The following ELF5 variants were observed in gnomAD, a reference collection of about 807,000 sequenced individuals.
ELF5 encodes the protein E74 like ETS transcription factor 5, also known as ETS-related transcription factor Elf-5.
Under a neutral mutation model 38.2 loss-of-function variants are expected in ELF5, and 31 were observed. The ratio of observed to expected loss-of-function variants is 0.81; its 90% confidence interval spans 0.61 to 1.10. The LOEUF is 1.10. Among genes scored for constraint, ELF5 ranks in the 50% least tolerant of loss-of-function variants. ELF5 has a pLI of 0.00. For missense variants in ELF5, 300 were observed against 306.6 expected (o/e 0.98, Z 0.16); for synonymous variants, 121 against 112.5 (o/e 1.08, Z -0.48).
intron 6 of ELF5, 83 bp downstream of exon 6, chr11:34,480,689 G>A (rs559820644): frequency 2.0e-6 from 3 of 1,476,444 alleles, no homozygotes; most frequent in East Asian, 2.3e-5. Context: ...TAAAAAACCT[G>A]CAAAAACAGT....
At chr11:34,495,460 C>T (rs1850293761) in intron 2 of ELF5, among the ~76,000 whole-genome samples, 1 of 152,124 alleles carries the variant, frequency 6.6e-6, no homozygotes, top group Non-Finnish European at 1.5e-5. Flanking sequence ...GCGTTCTTGT[C>T]GTCTCAAGTT....
At chr11:34,480,687 C>T (rs780575402) in intron 6 of ELF5, 85 bp downstream of exon 6, 248 of 1,465,612 alleles carry the variant, frequency 1.7e-4, no homozygotes, top group Non-Finnish European at 2.3e-4. Context: ...AGTAAAAAAC[C>T]TGCAAAAACA....
At chr11:34,505,528 C>G (rs1850589556) in intron 2 of ELF5, 101 bp downstream of exon 2, 2 of 1,558,704 alleles carry the variant, frequency 1.3e-6, no homozygotes, top group Non-Finnish European at 1.7e-6. Context: ...TCTGGTGTTC[C>G]TAGGCCCCAG....
At chr11:34,506,798 G>T (rs1234158333) in intron 1 of ELF5, among the ~76,000 whole-genome samples, 1 of 152,098 alleles carries the variant, frequency 6.6e-6, no homozygotes, top group Non-Finnish European at 1.5e-5. Context: ...ACAGGTGTGA[G>T]CCACAGAAAC....
chr11:34,493,479 C>G lies in ELF5; in HGVS notation c.355G>C (p.Gly119Arg). The G allele has an allele frequency of 1.2e-6, 2 of 1,613,108 alleles. No individual in the cohort carries two copies. The highest frequency in any genetic ancestry group is 1.7e-6 in the Non-Finnish European group (2 of 1,179,550). The change falls in exon 3 of 7, where the codon GGT becomes CGT. Residue 119 changes from glycine (G) to arginine (R), a missense_variant and splice_region_variant. Gly to Arg is a moderately radical substitution (Grantham distance 125). Transcript: ENST00000257832. ...GAGGTCTGGCCCTCTGAACACTGAC[C>G]TTGTGTGCGGATGTTCTGGAGGATG... ...YFILQNIRTQ[G>R]YSFFNDAEES...
chr11:34,480,387 C>T (rs1279228358), intron 6 of ELF5, 73 bp from the exon 7 acceptor site: 10 of 1,150,598 alleles, frequency 8.7e-6, no homozygotes. Context: ...CAAACACTGT[C>T]TCCTCATTCC....
intron 2 of ELF5, among the ~76,000 whole-genome samples, chr11:34,495,867 C>T (rs538765665): frequency 6.6e-6 from 1 of 152,354 alleles, no homozygotes; most frequent in Admixed American, 6.5e-5. Context: ...CCTGAGCTTT[C>T]ATCTACTGAT....
At chr11:34,492,527 C>A (rs950133207) in intron 3 of ELF5, 1 of 152,242 alleles carries the variant, frequency 6.6e-6, no homozygotes, top group Middle Eastern at 3.2e-3. Flanking sequence ...CTTCTTAAAA[C>A]TGAGCTGAGA....
At chr11:34,488,148 C>T (rs765767369) in intron 4 of ELF5, among the ~76,000 whole-genome samples, 8 of 152,130 alleles carry the variant, frequency 5.3e-5, no homozygotes, top group Admixed American at 1.3e-4. Context: ...ATAATATCAT[C>T]GTGATGAGCA....
intron 1 of ELF5, among the ~76,000 whole-genome samples, chr11:34,509,934 A>G (rs926886793): frequency 2.0e-5 from 3 of 152,214 alleles, no homozygotes; most frequent in African/African-American, 7.2e-5. Flanking sequence ...AAAACACGAC[A>G]GTGGGAATGA....
intron 2 of ELF5, among the ~76,000 whole-genome samples, chr11:34,499,857 T>A (rs577706451): frequency 6.6e-6 from 1 of 152,272 alleles, no homozygotes; most frequent in Admixed American, 6.5e-5. Flanking sequence ...CTTCCTGATT[T>A]GAAATCTTGG....
chr11:34,508,476 C>T (rs1850666565), intron 1 of ELF5, among the ~76,000 whole-genome samples: 1 of 151,646 alleles, frequency 6.6e-6, no homozygotes, highest in African/African-American at 2.4e-5. Flanking sequence ...GCACTCCAGC[C>T]TGGGCGACAG....
chr11:34,481,313 C>T lies in ELF5; in HGVS notation c.476-346G>A, dbSNP rs181540310. 7.3e-4 allele frequency among the ~76,000 whole-genome samples: 111 copies of T among 152,188 alleles called. 1 individual carries two copies. Among genetic ancestry groups the T allele is most frequent in the Non-Finnish European group, 8.5e-4 (58 of 68,012 alleles). ...TGCTGGGATTACAGGTGTGAGCCAC[C>T]GTGCCCAGCTTGTTTTTTTAATTTT... On this transcript the variant is annotated intron_variant, in intron 5 of 6. Coordinates refer to ENST00000257832, the MANE Select transcript of ELF5 (RefSeq NM_001422.4).
chr11:34,496,109 G>C (rs1041046406), intron 2 of ELF5, among the ~76,000 whole-genome samples: 3 of 152,222 alleles, frequency 2.0e-5, no homozygotes, highest in African/African-American at 7.2e-5. Context: ...GGCACTTGAA[G>C]AGGGCCATAT....
intron 1 of ELF5, among the ~76,000 whole-genome samples, chr11:34,512,993 C>T (rs576395057): frequency 2.9e-4 from 44 of 152,294 alleles, no homozygotes; most frequent in African/African-American, 1.0e-3. Context: ...CACACGCAGG[C>T]CCGGCTTCAG....
chr11:34,490,099 T>G, intron 3 of ELF5, 40 bp from the exon 4 acceptor site: 1 of 1,609,730 alleles, frequency 6.2e-7, no homozygotes, highest in Non-Finnish European at 8.5e-7. Context: ...TACCATGCAA[T>G]CCTGGTTTCC....
rs576806236 is a variant in ELF5 at position 34,496,059 on chromosome 11, C to T, written c.122-2347G>A. 7.2e-5 allele frequency among the ~76,000 whole-genome samples: 11 copies of T among 152,364 alleles called. No homozygotes were observed. In the East Asian group the frequency reaches 2.1e-3, roughly 29 times the overall value. On this transcript the variant is annotated intron_variant, in intron 2 of 6. Coordinates refer to ENST00000257832, the MANE Select transcript of ELF5 (RefSeq NM_001422.4). The stretch of plus-strand genomic sequence containing the variant: ...GCCAAGGCTCTGTTCCCGTTTCCCT[C>T]CCCTCCCCTCTCTGCTTCCACCCCC...
At chr11:34,492,140 TTG>T (rs1850194444) in intron 3 of ELF5, 1 of 152,268 alleles carries the variant, frequency 6.6e-6, no homozygotes, top group African/African-American at 2.4e-5. Context: ...TCTGGAGCCG[TTG>T]TGACTTGGTC....
chr11:34,512,973 A>C (rs1271858483), intron 1 of ELF5, among the ~76,000 whole-genome samples: 1 of 152,134 alleles, frequency 6.6e-6, no homozygotes, highest in African/African-American at 2.4e-5. Flanking sequence ...TCGGGCGTAC[A>C]AAAGGCATCC....
Sources: allele counts gnomAD v4.1 joint callset (sites outside exome capture counted in the v4.1 genomes callset), GRCh38; gene constraint gnomAD v4.1.1; transcripts MANE v1.5; gene names NCBI Gene and HGNC (gene_info 2026-07-23, HGNC 2026-07-21).